Variants in XXYLT1 observed in about 807,000 individuals in gnomAD.
The protein encoded by XXYLT1 is xyloside xylosyltransferase 1.
XXYLT1 carries 20 observed loss-of-function variants against 28.9 expected under a neutral mutation model. The observed-to-expected ratio is 0.69, with a 90% CI of 0.49 to 1.00. The LOEUF (loss-of-function observed/expected upper bound fraction) is 1.00. Ranked by LOEUF, XXYLT1 falls within the 50% of genes least tolerant of loss-of-function variation. XXYLT1 has a pLI of 0.00. For missense variants in XXYLT1, 542 were observed against 560.1 expected (o/e 0.97, Z 0.33); for synonymous variants, 257 against 253.8 (o/e 1.01, Z -0.12).
chr3:195,139,098 A>G (rs1345823854), intron 3 of XXYLT1, among the ~76,000 whole-genome samples: 3 of 152,090 alleles, frequency 2.0e-5, no homozygotes, highest in Non-Finnish European at 4.4e-5. Context: ...TGTCAGGCTA[A>G]GGAGTTCGGC....
chr3:195,246,068 G>A (rs1416439570), intron 1 of XXYLT1, among the ~76,000 whole-genome samples: 1 of 152,212 alleles, frequency 6.6e-6, no homozygotes, highest in Non-Finnish European at 1.5e-5. Context: ...CACACCTGCT[G>A]ATTTATTCTC....
At chr3:195,109,494 T>C (rs1717343554) in intron 3 of XXYLT1, among the ~76,000 whole-genome samples, 1 of 77,584 alleles carries the variant, frequency 1.3e-5, no homozygotes, top group Non-Finnish European at 3.0e-5. Flanking sequence ...GTGTGAGGTA[T>C]GTGTACGTGT....
intron 1 of XXYLT1, among the ~76,000 whole-genome samples, chr3:195,253,910 C>T (rs1285950465): frequency 6.6e-6 from 1 of 152,242 alleles, no homozygotes; most frequent in Non-Finnish European, 1.5e-5. Context: ...GCAAACGCTG[C>T]TCAGCAAATT....
Position 195,180,092 on chromosome 3 carries a change from AG to A in XXYLT1, c.653-23512del, listed in dbSNP as rs1262863753. ...GAAGAATCTCTGAGCGGCCCCAAGC[AG>A]TGGGGTTCTGGCAGAGCACCGCTGA... On this transcript the variant is annotated intron_variant, in intron 2 of 3. Transcript: ENST00000310380. The surrounding 1 kb of genome is among the most constrained non-coding windows in gnomAD (Gnocchi z 5.8). 1.3e-5 allele frequency among the ~76,000 whole-genome samples: 2 copies of A among 152,176 alleles called. No individual in the cohort carries two copies. The highest frequency in any genetic ancestry group is 2.9e-5 in the Non-Finnish European group (2 of 68,018).
chr3:195,249,043 C>T (rs751650311), intron 1 of XXYLT1, among the ~76,000 whole-genome samples: 33 of 152,308 alleles, frequency 2.2e-4, no homozygotes, highest in Middle Eastern at 3.4e-3. Flanking sequence ...ATACTGCAGA[C>T]AGCTCTAGGG....
intron 2 of XXYLT1, among the ~76,000 whole-genome samples, chr3:195,171,798 C>T (rs1054050851): frequency 5.9e-5 from 9 of 152,234 alleles, no homozygotes; most frequent in Non-Finnish European, 1.5e-5. Flanking sequence ...AGTCCAATAT[C>T]AAGAGATGAG....
At position 195,109,916 on chromosome 3, in the gene XXYLT1, TG is replaced by T. The variant is rs779235593; in HGVS notation, c.786-39806del. Among the ~76,000 whole-genome samples, 2 of 45,356 alleles carry T rather than the reference TG, an allele frequency of 4.4e-5. 1 individual carries two copies. The highest frequency in any genetic ancestry group is 1.0e-4 in the Non-Finnish European group (2 of 19,886). 29.8% of individuals were successfully genotyped at this position (45,356 alleles called of 152,430 possible). On this transcript the variant is annotated intron_variant, in intron 3 of 3. Coordinates refer to ENST00000310380, the MANE Select transcript of XXYLT1 (RefSeq NM_152531.5). ...GAGGTGTGGGTGTGTGTGGTGTGTG[TG>T]GGGGTATATGTGTGTGTGGTATATG...
rs900985339 is a variant in XXYLT1 at position 195,240,298 on chromosome 3, G to A, written c.505-13442C>T. On this transcript the variant is annotated intron_variant, in intron 1 of 3. Coordinates refer to ENST00000310380, the MANE Select transcript of XXYLT1 (RefSeq NM_152531.5). The surrounding 1 kb of genome is among the most constrained non-coding windows in gnomAD (Gnocchi z 4.7). ...ACACTTGTGATGCAGGGAGGCTGAA[G>A]CATCCATCAGTCATGGCAGAGCCTG... Among the ~76,000 whole-genome samples, 1 of 152,218 alleles carries A rather than the reference G, an allele frequency of 6.6e-6. No individual in the cohort carries two copies. Among genetic ancestry groups the A allele is most frequent in the Non-Finnish European group, 1.5e-5 (1 of 68,044 alleles).
chr3:195,071,686 G>A (rs6787114), intron 3 of XXYLT1, among the ~76,000 whole-genome samples: 42,789 of 152,014 alleles, frequency 0.28, 7,585 homozygotes, highest in East Asian at 0.62. Flanking sequence ...ACACAGGGTT[G>A]GGATGCAGTG....
At chr3:195,140,940 G>A (rs901953590) in intron 3 of XXYLT1, among the ~76,000 whole-genome samples, 1 of 152,110 alleles carries the variant, frequency 6.6e-6, no homozygotes, top group African/African-American at 2.4e-5. Context: ...ATGAGGGTGG[G>A]GCTCTCATTA....
intron 3 of XXYLT1, among the ~76,000 whole-genome samples, chr3:195,125,967 A>T (rs997723361): frequency 7.0e-6 from 1 of 143,518 alleles, no homozygotes; most frequent in South Asian, 2.4e-4. Context: ...CCCCGAGATA[A>T]CTGAGAAAGA....
At chr3:195,154,737 T>A (rs2108679616) in intron 3 of XXYLT1, among the ~76,000 whole-genome samples, 1 of 152,336 alleles carries the variant, frequency 6.6e-6, no homozygotes, top group South Asian at 2.1e-4. Flanking sequence ...ACTGGCCCTC[T>A]CCCAAGTGTA....
chr3:195,129,273 C>G lies in XXYLT1; in HGVS notation c.785+27176G>C, dbSNP rs1358943713. 6.6e-6 allele frequency among the ~76,000 whole-genome samples: 1 copy of G among 152,210 alleles called. No individual in the cohort carries two copies. The highest frequency in any genetic ancestry group is 2.1e-4 in the South Asian group (1 of 4,832). On this transcript the variant is annotated intron_variant, in intron 3 of 3. Coordinates refer to ENST00000310380, the MANE Select transcript of XXYLT1 (RefSeq NM_152531.5). The surrounding 1 kb of genome is among the most constrained non-coding windows in gnomAD (Gnocchi z 4.4). ...CTTGACACATAATTTAAATTCCATA[C>G]AATTCACCCATTTAACATGTACAAT...
At position 195,077,592 on chromosome 3, in the gene XXYLT1, TACCAGCTATG is replaced by T. The variant is rs1379814824; in HGVS notation, c.786-7491_786-7482del. 6.6e-6 allele frequency among the ~76,000 whole-genome samples: 1 copy of T among 152,124 alleles called. No homozygotes were observed. The highest frequency in any genetic ancestry group is 2.4e-5 in the African/African-American group (1 of 41,442). On this transcript the variant is annotated intron_variant, in intron 3 of 3. Transcript: ENST00000310380. The surrounding 1 kb of genome is among the most constrained non-coding windows in gnomAD (Gnocchi z 4.8). ...AGTGTCAGTCTCGTTCCCAAAGCTG[TACCAGCTATG>T]ACCAGCCCATCTCTGTGGGGCCCTG...
intron 1 of XXYLT1, among the ~76,000 whole-genome samples, chr3:195,259,860 C>A (rs146755856): frequency 1.3e-5 from 2 of 152,326 alleles, no homozygotes; most frequent in African/African-American, 4.8e-5. Context: ...TGACGGGGAC[C>A]GGGCGGACTG....
At chr3:195,070,161 G>A in intron 3 of XXYLT1, 50 bp from the exon 4 acceptor site, 1 of 1,500,920 alleles carries the variant, frequency 6.7e-7, no homozygotes, top group Non-Finnish European at 8.8e-7. Context: ...GAACCAGCCT[G>A]CCGGCCTGCT....
chr3:195,098,908 G>C (rs1716609034), intron 3 of XXYLT1, among the ~76,000 whole-genome samples: 1 of 152,212 alleles, frequency 6.6e-6, no homozygotes, highest in Non-Finnish European at 1.5e-5. Context: ...CCCATGTTCT[G>C]CCCGAGCCCT....
intron 2 of XXYLT1, among the ~76,000 whole-genome samples, chr3:195,203,117 A>C (rs1560149951): frequency 6.6e-6 from 1 of 152,154 alleles, no homozygotes; most frequent in Non-Finnish European, 1.5e-5. Flanking sequence ...CCACAACACA[A>C]ATTTTTTAAA....
In XXYLT1 at chr3:195,110,121, G is replaced by GGT. The variant is rs145838451; in HGVS notation, c.786-40012_786-40011dup. On this transcript the variant is annotated intron_variant, in intron 3 of 3. Coordinates refer to ENST00000310380, the MANE Select transcript of XXYLT1 (RefSeq NM_152531.5). ...GTGTGTGGTGTATGTGTGCATGTGT[G>GGT]GTGTGTGTGTGTGTGGTGTGTGTGG... is the stretch of plus-strand genomic sequence containing the variant. Among the ~76,000 whole-genome samples the GGT allele has an allele frequency of 3.6e-5, 2 of 54,800 alleles. 1 individual carries two copies. Among genetic ancestry groups the GGT allele is most frequent in the African/African-American group, 1.2e-4 (2 of 16,766 alleles). 36.0% of individuals were successfully genotyped at this position (54,800 alleles called of 152,430 possible). A position where few individuals can be genotyped will look rare whatever the true frequency, so the allele number is the denominator to read the frequency against.
Sources: allele counts gnomAD v4.1 joint callset (sites outside exome capture counted in the v4.1 genomes callset), GRCh38; gene constraint gnomAD v4.1.1; non-coding constraint Gnocchi (gnomAD v3.1); transcripts MANE v1.5; gene names NCBI Gene and HGNC (gene_info 2026-07-23, HGNC 2026-07-21).